FUT8: variants seen among roughly 807,000 people sequenced by gnomAD.
FUT8 encodes fucosyltransferase 8.
FUT8 carries 29 observed loss-of-function variants against 71.3 expected under a neutral mutation model. That is an observed-to-expected ratio of 0.41 (90% CI 0.30 to 0.55). The LOEUF (loss-of-function observed/expected upper bound fraction) is 0.55. FUT8 is among the 20% of genes least tolerant of loss of function. The pLI is 0.34. For synonymous variants in FUT8, 254 were observed against 239.3 expected (o/e 1.06, Z -0.57); for missense variants, 544 against 702.1 (o/e 0.77, Z 2.55).
chr14:65,433,086 A>T (rs11620749), intron 1 of FUT8, among the ~76,000 whole-genome samples: 1 of 151,962 alleles, frequency 6.6e-6, no homozygotes, highest in Non-Finnish European at 1.5e-5. Context: ...TGGCAACCAC[A>T]GAAGAGACTA....
chr14:65,419,517 A>G (rs1443513131), intron 1 of FUT8, among the ~76,000 whole-genome samples: 9 of 152,220 alleles, frequency 5.9e-5, no homozygotes. Context: ...TCTCCAACAC[A>G]TGGAATTGTA....
rs142072567 is a variant in FUT8, at chr14:65,594,574, G to A, written c.204-21404G>A. ...CAGTATGACAGACTTTTTGGGTACC[G>A]GCATGTGGTACATCCCAAATTCTTG... On this transcript the variant is annotated intron_variant, in intron 3 of 10. Coordinates refer to ENST00000673929, the MANE Select transcript of FUT8 (RefSeq NM_001371533.1). 8.3e-4 allele frequency among the ~76,000 whole-genome samples: 126 copies of A among 152,252 alleles called. 2 individuals are homozygous for A. Among genetic ancestry groups the A allele is most frequent in the African/African-American group, 2.9e-3 (121 of 41,550 alleles).
At chr14:65,676,551 A>G (rs546589927) in intron 7 of FUT8, among the ~76,000 whole-genome samples, 1 of 152,226 alleles carries the variant, frequency 6.6e-6, no homozygotes, top group Non-Finnish European at 1.5e-5. Flanking sequence ...CAAAGTAAAT[A>G]ATCTTTTTTC....
At chr14:65,522,986 G>C (rs936930089) in intron 2 of FUT8, among the ~76,000 whole-genome samples, 2 of 152,100 alleles carry the variant, frequency 1.3e-5, no homozygotes, top group African/African-American at 4.8e-5. Context: ...TGGACGTTTG[G>C]GTTGGTTCCA....
intron 10 of FUT8, among the ~76,000 whole-genome samples, chr14:65,735,475 C>A (rs779988094): frequency 6.6e-6 from 1 of 152,114 alleles, no homozygotes; most frequent in Non-Finnish European, 1.5e-5. Flanking sequence ...AGGAATAAGG[C>A]TCATACTTAT....
intron 1 of FUT8, among the ~76,000 whole-genome samples, chr14:65,421,787 T>G (rs1238086624): frequency 7.2e-6 from 1 of 137,998 alleles, no homozygotes; most frequent in Non-Finnish European, 1.5e-5. Context: ...TTTTCGTGAT[T>G]TCCTTGATTG....
At chr14:65,378,790 G>T in the FUT8 span, among the ~76,000 whole-genome samples, 1 of 130,266 alleles carries the variant, frequency 7.7e-6, no homozygotes, top group African/African-American at 2.8e-5. Context: ...TCCATGTAAA[G>T]AATTATGAAA....
chr14:65,541,869 G>C (rs1185594946), intron 2 of FUT8, among the ~76,000 whole-genome samples: 1 of 152,160 alleles, frequency 6.6e-6, no homozygotes, highest in African/African-American at 2.4e-5. Flanking sequence ...GGGGTTGCCT[G>C]TCCTTGTGTT....
upstream of FUT8, chr14:65,412,620 A>C (rs2065149501): frequency 3.4e-6 from 1 of 298,076 alleles, no homozygotes; most frequent in Non-Finnish European, 6.5e-6. Flanking sequence ...CGCAGCGAGG[A>C]AGGGGGCGGG....
At chr14:65,642,040 A>G (rs939497145) in intron 6 of FUT8, among the ~76,000 whole-genome samples, 7 of 152,126 alleles carry the variant, frequency 4.6e-5, no homozygotes, top group African/African-American at 1.7e-4. Context: ...TAATTTTGAC[A>G]AAGTTCAGTT....
the FUT8 span, among the ~76,000 whole-genome samples, chr14:65,396,012 A>G: frequency 6.6e-6 from 1 of 152,198 alleles, no homozygotes; most frequent in Non-Finnish European, 1.5e-5. The surrounding 1 kb of genome is among the most constrained non-coding windows in gnomAD (Gnocchi z 5.5). Context: ...AATGTCATCC[A>G]TATCTTTGCC....
At chr14:65,560,502 A>G (rs1885860721) in intron 2 of FUT8, among the ~76,000 whole-genome samples, 1 of 152,034 alleles carries the variant, frequency 6.6e-6, no homozygotes, top group African/African-American at 2.4e-5. Flanking sequence ...TTTAAATTAT[A>G]TTTTTGCCTA....
At chr14:65,424,938 A>G (rs1411296316) in intron 1 of FUT8, among the ~76,000 whole-genome samples, 1 of 152,098 alleles carries the variant, frequency 6.6e-6, no homozygotes, top group Admixed American at 6.6e-5. Context: ...TGCTGGGATT[A>G]CAGGTGTGAG....
At chr14:65,671,202 A>G (rs530637282) in intron 7 of FUT8, among the ~76,000 whole-genome samples, 2 of 152,298 alleles carry the variant, frequency 1.3e-5, no homozygotes, top group South Asian at 4.1e-4. Flanking sequence ...AACTTTTTGT[A>G]TGGTAGTCAG....
rs769761132 is a variant in FUT8 at position 65,575,165 on chromosome 14, A to T, written c.203+13399A>T. 8.1e-4 allele frequency among the ~76,000 whole-genome samples: 123 copies of T among 151,944 alleles called. No homozygotes were observed. The Middle Eastern group carries it at 0.017, about 21-fold the overall frequency. The stretch of plus-strand genomic sequence containing the variant: ...TGGACGGCTGTGTCCAAGGGTATAA[A>T]TTTGCAAGTAGTAAAGAAATTTACC... On this transcript the variant is annotated intron_variant, in intron 3 of 10. Coordinates refer to ENST00000673929, the MANE Select transcript of FUT8 (RefSeq NM_001371533.1).
intron 6 of FUT8, among the ~76,000 whole-genome samples, chr14:65,655,913 T>C (rs1020443463): frequency 2.0e-5 from 3 of 152,168 alleles, no homozygotes; most frequent in African/African-American, 7.2e-5. Flanking sequence ...TTAACTTCCC[T>C]TCATGATAAA....
In FUT8 at chr14:65,412,735, C is replaced by T. The variant is rs939272407; in HGVS notation, c.-805C>T. On this transcript the variant is annotated 5_prime_UTR_variant, in exon 1 of 11. Transcript: ENST00000673929. ...GCCGAGGGGCGCGCTCCCCCATTCGCGCGCGCACGCCGGCGCTGGCCGAGG... is the reference window on the plus strand; with the variant it reads ...GCCGAGGGGCGCGCTCCCCCATTCGTGCGCGCACGCCGGCGCTGGCCGAGG... The T allele has an allele frequency of 1.8e-5, 3 of 171,404 alleles. No homozygotes were observed. The highest frequency in any genetic ancestry group is 3.7e-5 in the Non-Finnish European group (3 of 80,140). 10.6% of individuals were successfully genotyped at this position (171,404 alleles called of 1,614,324 possible).
chr14:65,499,817 C>CA (rs201429546), intron 2 of FUT8, among the ~76,000 whole-genome samples: 10,436 of 119,310 alleles, frequency 0.087, 604 homozygotes, highest in African/African-American at 0.19. Context: ...GACCCTGTCT[C>CA]AAAAAAAAAA....
At chr14:65,403,107 C>A in the FUT8 span, among the ~76,000 whole-genome samples, 1 of 152,160 alleles carries the variant, frequency 6.6e-6, no homozygotes, top group Non-Finnish European at 1.5e-5. Flanking sequence ...ATAGGGTCTG[C>A]AAAGGCTTGC....
Sources: allele counts gnomAD v4.1 joint callset (sites outside exome capture counted in the v4.1 genomes callset), GRCh38; gene constraint gnomAD v4.1.1; non-coding constraint Gnocchi (gnomAD v3.1); transcripts MANE v1.5; gene names NCBI Gene and HGNC (gene_info 2026-07-23, HGNC 2026-07-21).